OPCML: variants seen among roughly 807,000 people sequenced by gnomAD.
OPCML encodes opioid binding protein/cell adhesion molecule like.
A neutral mutation model predicts 37.8 loss-of-function variants in OPCML; 13 were observed. The ratio of observed to expected loss-of-function variants is 0.34; its 90% CI spans 0.22 to 0.55. The LOEUF is 0.55. OPCML is among the 20% of genes least tolerant of loss of function. The probability of loss-of-function intolerance (pLI) is 0.91; values close to 1 mark genes in which losing one functional copy is unlikely to be tolerated. For synonymous variants in OPCML, 176 were observed against 168.8 expected, an observed-to-expected ratio of 1.04 and a Z score of -0.33; for missense variants, 341 against 435.6, an observed-to-expected ratio of 0.78 and a Z score of 1.93.
At chr11:132,946,765 G>A (rs1945753381) in intron 1 of OPCML, among the ~76,000 whole-genome samples, 1 of 152,136 alleles carries the variant, frequency 6.6e-6, no homozygotes, top group African/African-American at 2.4e-5. Context: ...GGGGGCTCAG[G>A]GAGCAGCCCC....
intron 2 of OPCML, among the ~76,000 whole-genome samples, chr11:132,792,662 C>T (rs369980116): frequency 2.0e-5 from 3 of 151,890 alleles, no homozygotes; most frequent in East Asian, 1.9e-4. Flanking sequence ...GATGGAAGGG[C>T]GGAGAGGGGG....
At chr11:133,388,465 T>G in intron 1 of OPCML, among the ~76,000 whole-genome samples, 1 of 152,188 alleles carries the variant, frequency 6.6e-6, no homozygotes, top group East Asian at 1.9e-4. Flanking sequence ...TGACTTACTT[T>G]GTGGGAACAG....
intron 1 of OPCML, among the ~76,000 whole-genome samples, chr11:133,362,833 TC>T: frequency 6.6e-6 from 1 of 151,966 alleles, no homozygotes; most frequent in East Asian, 2.0e-4. Flanking sequence ...CTACCTACCT[TC>T]TGCCCCGCTA....
intron 1 of OPCML, among the ~76,000 whole-genome samples, chr11:133,139,720 T>C (rs1371978093): frequency 1.3e-5 from 2 of 152,190 alleles, no homozygotes; most frequent in Admixed American, 6.5e-5. Flanking sequence ...ATTTTACATA[T>C]GAATGCGGGG....
At chr11:133,461,567 G>A (rs1946859543) in intron 1 of OPCML, among the ~76,000 whole-genome samples, 1 of 151,674 alleles carries the variant, frequency 6.6e-6, no homozygotes, top group South Asian at 2.1e-4. Context: ...AAAACCAAGA[G>A]TAAAATTAGT....
intron 1 of OPCML, among the ~76,000 whole-genome samples, chr11:133,032,661 G>T (rs901638818): frequency 8.5e-5 from 13 of 152,234 alleles, no homozygotes; most frequent in Middle Eastern, 3.4e-3. Context: ...ACTCCACTCT[G>T]GTTTTAAACC....
chr11:132,886,773 C>T (rs947553196), intron 2 of OPCML, among the ~76,000 whole-genome samples: 1 of 152,212 alleles, frequency 6.6e-6, no homozygotes, highest in East Asian at 1.9e-4. Context: ...GATGTCCCTG[C>T]AGCATCTTTG....
intron 1 of OPCML, among the ~76,000 whole-genome samples, chr11:133,431,143 T>C (rs900530576): frequency 6.6e-6 from 1 of 152,222 alleles, no homozygotes; most frequent in Non-Finnish European, 1.5e-5. Context: ...GTTCTTAACA[T>C]TAAATAAATA....
chr11:133,327,298 A>G (rs986350884), intron 1 of OPCML, among the ~76,000 whole-genome samples: 4 of 151,862 alleles, frequency 2.6e-5, no homozygotes, highest in African/African-American at 7.3e-5. Flanking sequence ...CTAAATGTCC[A>G]GGATGTACTA....
rs904686912 is a variant in OPCML at position 133,177,782 on chromosome 11, G to A, written c.62-234772C>T. On this transcript the variant is annotated intron_variant, in intron 1 of 7. Transcript: ENST00000524381. The surrounding 1 kb of genome is among the most constrained non-coding windows in gnomAD (Gnocchi z 5.0). ...ATGGAATCGGCCCCACACACTCACC[G>A]AAATGGCTCCAAAATTTGATATCAA... Among the ~76,000 whole-genome samples, 14 of 152,228 alleles carry A rather than the reference G, an allele frequency of 9.2e-5. No homozygotes were observed. The highest frequency in any genetic ancestry group is 3.4e-4 in the African/African-American group (14 of 41,546).
intron 4 of OPCML, among the ~76,000 whole-genome samples, chr11:132,488,812 C>T (rs1209230772): frequency 1.3e-5 from 2 of 152,144 alleles, no homozygotes; most frequent in African/African-American, 4.8e-5. Flanking sequence ...CTTGGATAAT[C>T]CTTTCAAGGA....
intron 2 of OPCML, among the ~76,000 whole-genome samples, chr11:132,871,187 G>T (rs541034909): frequency 6.7e-6 from 1 of 148,896 alleles, no homozygotes; most frequent in African/African-American, 2.5e-5. Context: ...ATGTTCACTC[G>T]TTAATTAAAA....
At chr11:132,972,911 AG>A (rs1485711568) in intron 1 of OPCML, among the ~76,000 whole-genome samples, 2 of 152,150 alleles carry the variant, frequency 1.3e-5, no homozygotes, top group Non-Finnish European at 2.9e-5. Flanking sequence ...GATGGAAAAA[AG>A]CACCACCTAG....
intron 1 of OPCML, among the ~76,000 whole-genome samples, chr11:133,110,108 G>A (rs931239286): frequency 3.3e-5 from 5 of 152,150 alleles, no homozygotes; most frequent in Admixed American, 3.3e-4. Flanking sequence ...TACCTATAAA[G>A]CATATTTCAA....
chr11:133,081,973 C>T (rs1194045971), intron 1 of OPCML, among the ~76,000 whole-genome samples: 2 of 152,150 alleles, frequency 1.3e-5, no homozygotes, highest in Non-Finnish European at 2.9e-5. Flanking sequence ...AGGCGTCCCT[C>T]AGCAGCCCCG....
At chr11:133,525,985 T>C (rs551515065) in intron 1 of OPCML, among the ~76,000 whole-genome samples, 6 of 152,194 alleles carry the variant, frequency 3.9e-5, no homozygotes, top group Non-Finnish European at 7.3e-5. Context: ...ACCCAGCACA[T>C]TGCCCAGGGG....
chr11:132,971,546 G>C (rs1814948587), intron 1 of OPCML, among the ~76,000 whole-genome samples: 2 of 152,118 alleles, frequency 1.3e-5, no homozygotes, highest in African/African-American at 4.8e-5. Context: ...TTCTTGACTT[G>C]ATACATCTAG....
chr11:132,831,436 G>T (rs1030988241), intron 2 of OPCML, among the ~76,000 whole-genome samples: 1 of 152,162 alleles, frequency 6.6e-6, no homozygotes, highest in African/African-American at 2.4e-5. Context: ...CAGGCGATGA[G>T]AACTGCTATT....
At chr11:132,458,993 T>G (rs1234451105) in intron 4 of OPCML, among the ~76,000 whole-genome samples, 1 of 152,242 alleles carries the variant, frequency 6.6e-6, no homozygotes, top group Non-Finnish European at 1.5e-5. Context: ...AAGCTTAATT[T>G]CAGAATCTGA....
Sources: allele counts gnomAD v4.1 joint callset (sites outside exome capture counted in the v4.1 genomes callset), GRCh38; gene constraint gnomAD v4.1.1; non-coding constraint Gnocchi (gnomAD v3.1); transcripts MANE v1.5; gene names NCBI Gene and HGNC (gene_info 2026-07-23, HGNC 2026-07-21).